The following MYO1F variants were observed in gnomAD, a reference collection of about 807,000 sequenced individuals.
MYO1F encodes the protein myosin IF, also known as unconventional myosin-If.
A neutral mutation model predicts 146.6 loss-of-function variants in MYO1F; 60 were observed. That is an observed-to-expected ratio of 0.41 (90% CI 0.33 to 0.51). The LOEUF (loss-of-function observed/expected upper bound fraction) is 0.51. Ranked by LOEUF, MYO1F falls within the 20% of genes least tolerant of loss-of-function variation. The pLI is 0.25. For synonymous variants in MYO1F, 602 were observed against 602.1 expected (o/e 1.00, Z 0.00); for missense variants, 1,274 against 1,534.3 (o/e 0.83, Z 2.83).
chr19:8,526,498 G>A lies in MYO1F; in HGVS notation c.2725C>T (p.Arg909Trp), dbSNP rs1972273086. The change falls in exon 24 of 28, where the codon CGG (arginine) becomes TGG (tryptophan). Residue 909 changes from arginine (R) to tryptophan (W), a missense_variant. By Grantham distance (101) the Arg-to-Trp change is moderately radical. Around this residue, in one of 2 missense-constraint regions of MYO1F, gnomAD observed 374 missense variants for 379.2 expected, o/e 0.99. Coordinates refer to ENST00000644032, the MANE Select transcript of MYO1F (RefSeq NM_012335.4). ...TCGCCCACGCTGACCGTGAGGGTCC[G>A]ACCGCCAACCTTGAGCACTGCCAAG... ...GDLAVLKVGGRTLTVSVGDGL... is the reference protein window; with the variant it reads ...GDLAVLKVGGWTLTVSVGDGL... 52 of 1,574,464 alleles carry A rather than the reference G, an allele frequency of 3.3e-5. No individual in the cohort carries two copies. The highest frequency in any genetic ancestry group is 4.4e-5 in the Non-Finnish European group (51 of 1,160,868).
At chr19:8,539,308 G>A (rs906581603) in intron 16 of MYO1F, among the ~76,000 whole-genome samples, 1 of 152,152 alleles carries the variant, frequency 6.6e-6, no homozygotes, top group Non-Finnish European at 1.5e-5. Flanking sequence ...CAGCTACTTG[G>A]GAGGCTGAGG....
chr19:8,577,250 C>A lies in MYO1F; in HGVS notation c.3+57G>T, dbSNP rs374544250. The A allele has an allele frequency of 6.3e-5, 101 of 1,603,946 alleles. No individual in the cohort carries two copies. The African/African-American group carries it at 1.3e-3, about 20-fold the overall frequency. On this transcript the variant is annotated intron_variant, in intron 1 of 27. Transcript: ENST00000644032. The surrounding 1 kb of genome is among the most constrained non-coding windows in gnomAD (Gnocchi z 4.3). ...CTGATGGTCATTTTTAGGACACCTC[C>A]ACCTGGCTGGTGTCCCTCCTCTTTC...
intron 25 of MYO1F, among the ~76,000 whole-genome samples, chr19:8,524,928 A>G (rs10417466): frequency 0.07 from 10,717 of 152,166 alleles, 998 homozygotes; most frequent in African/African-American, 0.19. Flanking sequence ...CAGGCGCCGT[A>G]GCTCATGCTT....
intron 14 of MYO1F, 141 bp downstream of exon 14, chr19:8,544,156 G>T: frequency 2.2e-6 from 2 of 912,216 alleles, no homozygotes; most frequent in Non-Finnish European, 1.7e-6. Context: ...GGATTGAGGC[G>T]GGGGACAGTG....
At position 8,550,259 on chromosome 19, in the gene MYO1F, G is replaced by A. The variant is rs766772743; in HGVS notation, c.1002C>T (p.Ser334=). 30 of 1,614,038 alleles carry A rather than the reference G, an allele frequency of 1.9e-5. No individual in the cohort carries two copies. In the Admixed American group the frequency reaches 3.7e-4, roughly 20 times the overall value. ...RKMDSRWGGR[S]ESINVTLNVE... ...CGTTGAGGGTCACATTGATGGACTCGCTGCGCCCGCCCCAGCGGCTGTCCA... is the reference window on the plus strand; with the variant it reads ...CGTTGAGGGTCACATTGATGGACTCACTGCGCCCGCCCCAGCGGCTGTCCA... Residue 334 remains serine (S), a synonymous_variant, in exon 10 of 28, where the codon AGC becomes AGT. Transcript: ENST00000644032.
chr19:8,525,435 C>A (rs2145825034), intron 25 of MYO1F, 44 bp downstream of exon 25: 1 of 1,547,824 alleles, frequency 6.5e-7, no homozygotes. Context: ...GGCCATGGGA[C>A]CCACAACAGA....
intron 1 of MYO1F, among the ~76,000 whole-genome samples, chr19:8,574,555 C>CT (rs1421921495): frequency 4.4e-5 from 4 of 91,950 alleles, no homozygotes; most frequent in Non-Finnish European, 7.0e-5. Flanking sequence ...TTCTTTCTTT[C>CT]TTTCTTTCTT....
intron 1 of MYO1F, among the ~76,000 whole-genome samples, chr19:8,572,089 A>G (rs2042121762): frequency 6.6e-6 from 1 of 152,144 alleles, no homozygotes; most frequent in Non-Finnish European, 1.5e-5. Flanking sequence ...GATTGCTGAC[A>G]GTCGGTGGCT....
chr19:8,554,023 CAT>C lies in MYO1F; in HGVS notation c.326+452_326+453del, dbSNP rs1206613713. On this transcript the variant is annotated intron_variant, in intron 4 of 27. Coordinates refer to ENST00000644032, the MANE Select transcript of MYO1F (RefSeq NM_012335.4). Reference sequence around the variant, plus strand: ...CCAGGCTGGAGTGCAGTGGTGTGATCATAGCACCTGTTCCTGCCTGGAACTCC... The same window carrying C: ...CCAGGCTGGAGTGCAGTGGTGTGATCAGCACCTGTTCCTGCCTGGAACTCC... Among the ~76,000 whole-genome samples, 12 of 151,960 alleles carry C rather than the reference CAT, an allele frequency of 7.9e-5. No homozygotes were observed. In the East Asian group the frequency reaches 2.3e-3, roughly 29 times the overall value.
intron 10 of MYO1F, 94 bp downstream of exon 10, chr19:8,550,066 T>C (rs1369279802): frequency 1.4e-6 from 2 of 1,422,084 alleles, no homozygotes; most frequent in African/African-American, 1.4e-5. Context: ...ACCCAAAGCA[T>C]TGGGATTGCA....
intron 14 of MYO1F, chr19:8,544,076 A>T (rs1973226029): frequency 4.5e-6 from 2 of 440,390 alleles, no homozygotes; most frequent in African/African-American, 2.2e-5. Context: ...TGGTGTCCAG[A>T]CAAGTTTGGG....
At chr19:8,566,092 C>T (rs980370765) in intron 1 of MYO1F, among the ~76,000 whole-genome samples, 2 of 150,576 alleles carry the variant, frequency 1.3e-5, no homozygotes, top group Non-Finnish European at 2.9e-5. Context: ...GGATGACAGA[C>T]GAAGACCCAG....
chr19:8,541,585 C>A, intron 15 of MYO1F: 1 of 364,148 alleles, frequency 2.7e-6, no homozygotes, highest in East Asian at 6.5e-5. Context: ...CGCGCCACCA[C>A]GCCTAGGTAA....
intron 16 of MYO1F, 96 bp downstream of exon 16, chr19:8,539,851 C>T (rs1227178906): frequency 1.8e-6 from 2 of 1,089,930 alleles, no homozygotes; most frequent in East Asian, 2.5e-5. Flanking sequence ...GGTAGACAGA[C>T]AGACGTTGGA....
chr19:8,543,116 C>T (rs1459584487), intron 14 of MYO1F, among the ~76,000 whole-genome samples: 1 of 150,630 alleles, frequency 6.6e-6, no homozygotes, highest in Non-Finnish European at 1.5e-5. Context: ...GTTGGCCAGG[C>T]TGGTCTTGAA....
In MYO1F at chr19:8,530,595, C is replaced by A. The variant is rs376824825; in HGVS notation, c.2044-22G>T. 59 of 1,575,772 alleles carry A rather than the reference C, an allele frequency of 3.7e-5. No homozygotes were observed. In the African/African-American group the frequency reaches 6.5e-4, roughly 17 times the overall value. ...AAAGCTGGGCGGGGGTCGTGGGGGG[C>A]AAGGGTGAGTCCTGGTGTCTCCCCA... On this transcript the variant is annotated intron_variant, in intron 19 of 27. Coordinates refer to ENST00000644032, the MANE Select transcript of MYO1F (RefSeq NM_012335.4). The surrounding 1 kb of genome is among the most constrained non-coding windows in gnomAD (Gnocchi z 5.8).
intron 19 of MYO1F, among the ~76,000 whole-genome samples, chr19:8,532,949 C>CAA (rs1491385727): frequency 7.5e-4 from 105 of 139,384 alleles, no homozygotes; most frequent in African/African-American, 2.7e-3. Flanking sequence ...CACACACACA[C>CAA]AATTGGGCTT....
At chr19:8,531,119 G>A (rs113747967) in intron 19 of MYO1F, among the ~76,000 whole-genome samples, 2,678 of 152,098 alleles carry the variant, frequency 0.018, 32 homozygotes, top group African/African-American at 0.037. Flanking sequence ...AGGCTGAGGC[G>A]GGAAGATCGC....
At chr19:8,532,900 AAAT>A (rs1419785881) in intron 19 of MYO1F, among the ~76,000 whole-genome samples, 1 of 45,060 alleles carries the variant, frequency 2.2e-5, no homozygotes, top group Non-Finnish European at 3.7e-5. Context: ...AAAAAAAAAA[AAAT>A]ACACACACAC....
Sources: gnomAD v4.1 joint callset for allele counts (sites outside exome capture counted in the v4.1 genomes callset) on GRCh38, gnomAD v4.1.1 for gene constraint, gnomAD v4.1.1 regional missense constraint, Gnocchi (gnomAD v3.1) non-coding constraint, MANE v1.5 for transcripts, NCBI Gene and HGNC (gene_info 2026-07-23, HGNC 2026-07-21) for gene names.